RIC8B: variants seen among roughly 807,000 people sequenced by gnomAD.
RIC8B encodes RIC8 guanine nucleotide exchange factor B, also known as chaperone Ric-8B.
A neutral mutation model predicts 57.5 loss-of-function variants in RIC8B; 16 were observed. The ratio of observed to expected loss-of-function variants is 0.28; its 90% CI spans 0.19 to 0.42. The LOEUF is 0.42. RIC8B is among the 10% of genes least tolerant of loss of function. The probability of loss-of-function intolerance (pLI) is 1.00; values close to 1 mark genes in which losing one functional copy is unlikely to be tolerated. For missense variants in RIC8B, 481 were observed against 677.0 expected (o/e 0.71, Z 3.21); for synonymous variants, 216 against 250.8 (o/e 0.86, Z 1.31).
At chr12:106,861,133 C>T (rs578088901) in intron 8 of RIC8B, among the ~76,000 whole-genome samples, 30 of 152,086 alleles carry the variant, frequency 2.0e-4, no homozygotes, top group Middle Eastern at 3.4e-3. Flanking sequence ...TCTTAGTTTC[C>T]GCTTATTAGG....
At chr12:106,791,391 G>A (rs1429443435) in intron 2 of RIC8B, among the ~76,000 whole-genome samples, 6 of 152,120 alleles carry the variant, frequency 3.9e-5, no homozygotes, top group Non-Finnish European at 8.8e-5. Flanking sequence ...TTACAATAGT[G>A]TGATTGGAGT....
rs759127656 is a variant in RIC8B, at chr12:106,774,796, T to C, written c.51T>C (p.Ala17=). The C allele has an allele frequency of 2.3e-5, 36 of 1,554,050 alleles. No homozygotes were observed. Among genetic ancestry groups the C allele is most frequent in the Non-Finnish European group, 3.0e-5 (34 of 1,148,344 alleles). The change falls in exon 1 of 10, where the codon GCT becomes GCC. Residue 17 remains alanine (A), a synonymous_variant. Transcript: ENST00000392837. The part of the protein sequence containing the change: ...LYIVRAGEAG[A]IERVLRDYSD... Reference sequence around the variant, plus strand: ...TCGTCCGGGCCGGCGAAGCAGGGGCTATCGAGCGGGTCCTGAGGGATTACA... The same window carrying C: ...TCGTCCGGGCCGGCGAAGCAGGGGCCATCGAGCGGGTCCTGAGGGATTACA...
intron 3 of RIC8B, chr12:106,823,526 C>G: frequency 2.2e-6 from 1 of 448,246 alleles, no homozygotes; most frequent in Non-Finnish European, 4.5e-6. Context: ...CTGTCAACAT[C>G]AGCATGAAAA....
chr12:106,798,563 C>T (rs1348924109), intron 2 of RIC8B, among the ~76,000 whole-genome samples: 3 of 152,110 alleles, frequency 2.0e-5, no homozygotes, highest in African/African-American at 7.2e-5. Context: ...TGAGGGTCAT[C>T]ACCCTGACTG....
intron 3 of RIC8B, among the ~76,000 whole-genome samples, chr12:106,822,101 A>G (rs1323085880): frequency 2.2e-5 from 3 of 137,644 alleles, no homozygotes; most frequent in East Asian, 2.1e-4. Flanking sequence ...AAAAAAAAAA[A>G]GAAGAAAAAA....
intron 3 of RIC8B, chr12:106,823,300 C>A: frequency 3.0e-6 from 1 of 333,964 alleles, no homozygotes; most frequent in South Asian, 2.5e-5. Flanking sequence ...AAGGAACCAG[C>A]GATGCAAAGA....
At chr12:106,816,710 G>T (rs1028620229) in intron 3 of RIC8B, among the ~76,000 whole-genome samples, 1 of 152,016 alleles carries the variant, frequency 6.6e-6, no homozygotes, top group Admixed American at 6.6e-5. Context: ...GACAAAAAAG[G>T]GTTTAAAATT....
Position 106,879,196 on chromosome 12 carries a change from A to G in RIC8B, c.1572-6708A>G, listed in dbSNP as rs147382259. 5.1e-6 allele frequency: 5 copies of G among 985,824 alleles called. No individual in the cohort carries two copies. Among genetic ancestry groups the G allele is most frequent in the South Asian group, 4.7e-5 (1 of 21,288 alleles). The allele number at this position is 985,824 out of a possible 1,614,324, so 61.1% of individuals were successfully genotyped here. A position where few individuals can be genotyped will look rare whatever the true frequency, so the allele number is the denominator to read the frequency against. ...AATGCATTTTACCAACTGCTTAATT[A>G]TGTCCTGTTTTTCAACAAGTACACT... On this transcript the variant is annotated intron_variant, in intron 9 of 9. Coordinates refer to ENST00000392837, the MANE Select transcript of RIC8B (RefSeq NM_001330145.2). This position sits in a 1 kb window ranked among gnomAD's most constrained non-coding sequence, Gnocchi z 4.9.
intron 7 of RIC8B, among the ~76,000 whole-genome samples, chr12:106,856,206 C>T (rs1949711028): frequency 1.3e-5 from 2 of 152,190 alleles, no homozygotes; most frequent in African/African-American, 4.8e-5. Context: ...AATATCTCAT[C>T]TCTCTGTTTC....
At chr12:106,785,013 A>G (rs1386140124) in intron 2 of RIC8B, among the ~76,000 whole-genome samples, 1 of 152,192 alleles carries the variant, frequency 6.6e-6, no homozygotes, top group Non-Finnish European at 1.5e-5. Flanking sequence ...ATTGGCATCC[A>G]TAAATCCAAA....
At position 106,870,907 on chromosome 12, in the gene RIC8B, C is replaced by G. The variant is rs1348496687; in HGVS notation, c.1536C>G (p.Ala512=). The change falls in exon 9 of 10, where the codon GCC becomes GCG. Residue 512 remains alanine (A), a synonymous_variant. Transcript: ENST00000392837. ...CAGAAGAACAAAAAGAATATGAAGCCATGAAACTTGTCAACATGCTTGATA... is the reference window on the plus strand; with the variant it reads ...CAGAAGAACAAAAAGAATATGAAGCGATGAAACTTGTCAACATGCTTGATA... ...EMTEEQKEYE[A]MKLVNMLDKL... The G allele has an allele frequency of 6.5e-7, 1 of 1,548,578 alleles. No homozygotes were observed. The highest frequency in any genetic ancestry group is 2.0e-5 in the Admixed American group (1 of 50,870).
intron 4 of RIC8B, among the ~76,000 whole-genome samples, chr12:106,834,983 CAAA>C (rs71072695): frequency 9.6e-5 from 3 of 31,308 alleles, no homozygotes; most frequent in South Asian, 2.7e-3. Context: ...GACTCTGTCT[CAAA>C]AAAAAAAAAA....
chr12:106,776,186 A>C (rs2043474206), intron 1 of RIC8B, among the ~76,000 whole-genome samples: 2 of 152,188 alleles, frequency 1.3e-5, no homozygotes, highest in African/African-American at 4.8e-5. Flanking sequence ...TTTCTGCCGT[A>C]CTGTGTTGCT....
rs1951163986 is a variant in RIC8B at position 106,885,890 on chromosome 12, A to C, written c.1572-14A>C. 4.5e-6 allele frequency: 7 copies of C among 1,555,470 alleles called. No homozygotes were observed. The Admixed American group carries it at 5.0e-5, about 11-fold the overall frequency. Reference sequence around the variant, plus strand: ...GAATACTTTTTTTTCTCTCTCTTTTATCTCTTTTTCTAGAGAGGAGTTGCT... The same window carrying C: ...GAATACTTTTTTTTCTCTCTCTTTTCTCTCTTTTTCTAGAGAGGAGTTGCT... On this transcript the variant is annotated splice_polypyrimidine_tract_variant and intron_variant, in intron 9 of 9. Transcript: ENST00000392837.
chr12:106,855,110 C>T (rs1422846044), intron 7 of RIC8B, among the ~76,000 whole-genome samples: 1 of 152,152 alleles, frequency 6.6e-6, no homozygotes, highest in Non-Finnish European at 1.5e-5. Flanking sequence ...TTATCGTATT[C>T]ATTAAATCTC....
intron 3 of RIC8B, among the ~76,000 whole-genome samples, chr12:106,818,322 ATG>A: frequency 6.6e-6 from 1 of 151,964 alleles, no homozygotes. Flanking sequence ...GTGCGCCACC[ATG>A]CCTGGCTAAT....
chr12:106,844,072 G>A (rs1949078724), intron 6 of RIC8B, 125 bp downstream of exon 6: 3 of 708,880 alleles, frequency 4.2e-6, no homozygotes, highest in East Asian at 2.7e-5. Context: ...CTTAATCTTT[G>A]AAATCTTCTT....
chr12:106,827,971 A>T (rs2046183848), intron 4 of RIC8B, among the ~76,000 whole-genome samples: 1 of 152,260 alleles, frequency 6.6e-6, no homozygotes, highest in African/African-American at 2.4e-5. Context: ...TAATGAATTT[A>T]ATATCTTGAC....
chr12:106,834,093 A>G (rs2046479894), intron 4 of RIC8B, among the ~76,000 whole-genome samples: 2 of 152,354 alleles, frequency 1.3e-5, no homozygotes, highest in South Asian at 4.1e-4. Context: ...ACCTTTCTTT[A>G]TAAATTACCC....
Sources: gnomAD v4.1 joint callset for allele counts (sites outside exome capture counted in the v4.1 genomes callset) on GRCh38, gnomAD v4.1.1 for gene constraint, Gnocchi (gnomAD v3.1) non-coding constraint, MANE v1.5 for transcripts, NCBI Gene and HGNC (gene_info 2026-07-23, HGNC 2026-07-21) for gene names.